Variants in KCNA10 observed in about 807,000 individuals in gnomAD.
KCNA10 encodes the protein cyclic GMP gated potassium channel.
KCNA10 carries 16 observed loss-of-function variants against 21.4 expected under a neutral mutation model. The ratio of observed to expected loss-of-function variants is 0.75; its 90% CI spans 0.51 to 1.14. KCNA10 has a LOEUF of 1.14. KCNA10 is among the 50% of genes most tolerant of loss of function. The probability of loss-of-function intolerance (pLI) is 0.00; values close to 1 mark genes in which losing one functional copy is unlikely to be tolerated. For missense variants in KCNA10, 677 were observed against 649.1 expected, an observed-to-expected ratio of 1.04 and a Z score of -0.47; for synonymous variants, 276 against 245.9, an observed-to-expected ratio of 1.12 and a Z score of -1.15.
chr1:110,518,397 A>G lies in KCNA10; in HGVS notation c.391T>C (p.Phe131Leu). Residue 131 changes from phenylalanine to leucine, a missense_variant, in exon 1 of 1, where the codon TTT (phenylalanine) becomes CTT (leucine). Transcript: ENST00000369771. ...TCAAAACTGGGCCGGTTCCGATCAA[A>G]GAAATACTCATTTCTCATGGAGTCA... is the stretch of plus-strand genomic sequence containing the variant. The part of the protein sequence containing the change: ...FFDSMRNEYF[F>L]DRNRPSFDGI... 1.2e-6 allele frequency: 2 copies of G among 1,614,226 alleles called. No homozygotes were observed. The highest frequency in any genetic ancestry group is 1.7e-6 in the Non-Finnish European group (2 of 1,180,036).
In KCNA10 at chr1:110,517,285, A is replaced by C. The variant is rs756095164; in HGVS notation, c.1503T>G (p.Asn501Lys). The change falls in exon 1 of 1, where the codon AAT (asparagine) becomes AAG (lysine). Residue 501 changes from asparagine (N) to lysine (K), a missense_variant. Asn to Lys is a moderately conservative substitution (Grantham distance 94). Coordinates refer to ENST00000369771, the MANE Select transcript of KCNA10 (RefSeq NM_005549.2). The part of the protein sequence containing the change: ...MGSTDSLNKT[N>K]GGCSTEKSRK ...TAGACTTCTCTGTGGAACAGCCACC[A>C]TTGGTCTTATTAAGAGAGTCTGTGC... 1.1e-5 allele frequency: 18 copies of C among 1,613,982 alleles called. No homozygotes were observed.
chr1:110,517,417 G>A lies in KCNA10; in HGVS notation c.1371C>T (p.Val457=), dbSNP rs780484961. The A allele has an allele frequency of 1.9e-6, 3 of 1,614,208 alleles. No homozygotes were observed. Among genetic ancestry groups the A allele is most frequent in the Non-Finnish European group, 2.5e-6 (3 of 1,180,042 alleles). Residue 457 remains valine, a synonymous_variant, in exon 1 of 1, where the codon GTC becomes GTT. Coordinates refer to ENST00000369771, the MANE Select transcript of KCNA10 (RefSeq NM_005549.2). ...GGTGGTAGAAGTAATTGAAGTTGGAGACAATGACAGGCACAGGGAGGGCAA... is the reference window on the plus strand; with the variant it reads ...GGTGGTAGAAGTAATTGAAGTTGGAAACAATGACAGGCACAGGGAGGGCAA... The part of the protein sequence containing the change: ...LTIALPVPVI[V]SNFNYFYHRE...
chr1:110,518,917 G>A lies in KCNA10; in HGVS notation c.-130C>T. On this transcript the variant is annotated 5_prime_UTR_variant, in exon 1 of 1. Coordinates refer to ENST00000369771, the MANE Select transcript of KCNA10 (RefSeq NM_005549.2). Reference sequence around the variant, plus strand: ...ACTGGCCCTTGTTTATTGAGGTAAGGTACACCAATGGGCTAATCAATGACT... The same window carrying A: ...ACTGGCCCTTGTTTATTGAGGTAAGATACACCAATGGGCTAATCAATGACT... The A allele has an allele frequency of 2.8e-6, 2 of 711,990 alleles. No individual in the cohort carries two copies. Among genetic ancestry groups the A allele is most frequent in the Non-Finnish European group, 2.3e-6 (1 of 438,398 alleles). 44.1% of individuals were successfully genotyped at this position (711,990 alleles called of 1,614,324 possible).
Position 110,517,897 on chromosome 1 carries a change from A to G in KCNA10, c.891T>C (p.Thr297=). Residue 297 remains threonine (T), a synonymous_variant, in exon 1 of 1, where the codon ACT becomes ACC. Coordinates refer to ENST00000369771, the MANE Select transcript of KCNA10 (RefSeq NM_005549.2). The part of the protein sequence containing the change: ...VLRFVVCPSK[T]DFFRNIMNII... ...TGTTCATGATGTTCCTGAAGAAGTC[A>G]GTCTTGCTGGGGCAGACCACGAACC... 1 of 1,614,082 alleles carries G rather than the reference A, an allele frequency of 6.2e-7. No individual in the cohort carries two copies. The highest frequency in any genetic ancestry group is 8.5e-7 in the Non-Finnish European group (1 of 1,180,022).
rs760343284 is a variant in KCNA10 at position 110,517,728 on chromosome 1, G to A, written c.1060C>T (p.Leu354Phe). Residue 354 changes from leucine (L) to phenylalanine (F), a missense_variant, in exon 1 of 1, where the codon CTC becomes TTC. Transcript: ENST00000369771. ...TGCAGCCCCTTGGAGTGGCGCGAGAGCTTGAAGATGCGGAAGACCCTCACC... is the reference window on the plus strand; with the variant it reads ...TGCAGCCCCTTGGAGTGGCGCGAGAACTTGAAGATGCGGAAGACCCTCACC... ...RLVRVFRIFK[L>F]SRHSKGLQIL... 10 of 1,614,078 alleles carry A rather than the reference G, an allele frequency of 6.2e-6. No individual in the cohort carries two copies. The East Asian group carries it at 2.2e-4, about 36-fold the overall frequency.
rs1490501892 is a variant in KCNA10, at chr1:110,518,534, T to C, written c.254A>G (p.Asn85Ser). ...AGCAATGTTGATGATCACCCGCTGG[T>C]TTCCTTCATTTAGGACCACTGGCTC... ...GPEPVVLNEG[N>S]QRVIINIAGL... Residue 85 changes from asparagine to serine, a missense_variant, in exon 1 of 1, where the codon AAC (asparagine) becomes AGC (serine). Asn to Ser is a conservative substitution (Grantham distance 46). Coordinates refer to ENST00000369771, the MANE Select transcript of KCNA10 (RefSeq NM_005549.2). 3.1e-6 allele frequency: 5 copies of C among 1,614,142 alleles called. No individual in the cohort carries two copies. The highest frequency in any genetic ancestry group is 4.2e-6 in the Non-Finnish European group (5 of 1,180,030).
Position 110,517,283 on chromosome 1 carries a change from C to A in KCNA10, c.1505G>T (p.Gly502Val), listed in dbSNP as rs1647234714. Residue 502 changes from glycine to valine, a missense_variant, in exon 1 of 1, where the codon GGT becomes GTT. Gly to Val is a moderately radical substitution (Grantham distance 109). Transcript: ENST00000369771. ...GSTDSLNKTN[G>V]GCSTEKSRK The stretch of plus-strand genomic sequence containing the variant: ...CCTAGACTTCTCTGTGGAACAGCCA[C>A]CATTGGTCTTATTAAGAGAGTCTGT... 1.2e-6 allele frequency: 2 copies of A among 1,613,926 alleles called. No individual in the cohort carries two copies. Among genetic ancestry groups the A allele is most frequent in the South Asian group, 1.1e-5 (1 of 91,068 alleles).
rs750444854 is a variant in KCNA10 at position 110,517,281 on chromosome 1, C to T, written c.1507G>A (p.Gly503Ser). 1.1e-5 allele frequency: 17 copies of T among 1,613,854 alleles called. No individual in the cohort carries two copies. The South Asian group carries it at 1.8e-4, about 17-fold the overall frequency. Residue 503 changes from glycine (G) to serine (S), a missense_variant, in exon 1 of 1, where the codon GGC becomes AGC. Physicochemically the swap from Gly to Ser is moderately conservative, Grantham distance 56. Transcript: ENST00000369771. ...TTCCTAGACTTCTCTGTGGAACAGC[C>T]ACCATTGGTCTTATTAAGAGAGTCT... ...STDSLNKTNGGCSTEKSRK is the reference protein window; with the variant it reads ...STDSLNKTNGSCSTEKSRK
Position 110,518,949 on chromosome 1 carries a change from T to C in KCNA10, c.-162A>G. 1 of 511,882 alleles carries C rather than the reference T, an allele frequency of 2.0e-6. No individual in the cohort carries two copies. Among genetic ancestry groups the C allele is most frequent in the Admixed American group, 3.7e-5 (1 of 26,908 alleles). 31.7% of individuals were successfully genotyped at this position (511,882 alleles called of 1,614,324 possible). A position where few individuals can be genotyped will look rare whatever the true frequency, so the allele number is the denominator to read the frequency against. ...AATGGGCTAATCAATGACTTATTTGTAGCTTGGGAAGGAACGTCATGGTTA... is the reference window on the plus strand; with the variant it reads ...AATGGGCTAATCAATGACTTATTTGCAGCTTGGGAAGGAACGTCATGGTTA... On this transcript the variant is annotated 5_prime_UTR_variant, in exon 1 of 1. Transcript: ENST00000369771.
rs1557706811 is a variant in KCNA10, at chr1:110,518,242, A to T, written c.546T>A (p.Asp182Glu). ...GSEAMDQFRE[D>E]EGFIKDPETL... is the part of the protein sequence containing the mutation. ...TTTCAGGGTCTTTGATGAAGCCTTC[A>T]TCCTCCCGGAACTGGTCCATGGCCT... Residue 182 changes from aspartate (D) to glutamate (E), a missense_variant, in exon 1 of 1, where the codon GAT becomes GAA. Coordinates refer to ENST00000369771, the MANE Select transcript of KCNA10 (RefSeq NM_005549.2). 6.2e-7 allele frequency: 1 copy of T among 1,614,142 alleles called. No homozygotes were observed. Among genetic ancestry groups the T allele is most frequent in the South Asian group, 1.1e-5 (1 of 91,076 alleles).
chr1:110,518,952 C>G lies in KCNA10; in HGVS notation c.-165G>C. ...GGGCTAATCAATGACTTATTTGTAG[C>G]TTGGGAAGGAACGTCATGGTTATTT... On this transcript the variant is annotated 5_prime_UTR_variant, in exon 1 of 1. Coordinates refer to ENST00000369771, the MANE Select transcript of KCNA10 (RefSeq NM_005549.2). 1 of 499,374 alleles carries G rather than the reference C, an allele frequency of 2.0e-6. No individual in the cohort carries two copies. Among genetic ancestry groups the G allele is most frequent in the Non-Finnish European group, 3.5e-6 (1 of 286,540 alleles). The allele number at this position is 499,374 out of a possible 1,614,324, so 30.9% of individuals were successfully genotyped here. A position where few individuals can be genotyped will look rare whatever the true frequency, so the allele number is the denominator to read the frequency against.
chr1:110,518,393 T>C lies in KCNA10; in HGVS notation c.395A>G (p.Asp132Gly). ...TCCATCAAAACTGGGCCGGTTCCGA[T>C]CAAAGAAATACTCATTTCTCATGGA... ...FDSMRNEYFF[D>G]RNRPSFDGIL... is the part of the protein sequence containing the mutation. Residue 132 changes from aspartate to glycine, a missense_variant, in exon 1 of 1, where the codon GAT becomes GGT. Asp to Gly is a moderately conservative substitution (Grantham distance 94, BLOSUM62 -1). Coordinates refer to ENST00000369771, the MANE Select transcript of KCNA10 (RefSeq NM_005549.2). 1 of 1,614,196 alleles carries C rather than the reference T, an allele frequency of 6.2e-7. No individual in the cohort carries two copies.
rs375091439 is a variant in KCNA10, at chr1:110,517,401, A to T, written c.1387T>A (p.Phe463Ile). 4.3e-6 allele frequency: 7 copies of T among 1,614,022 alleles called. No individual in the cohort carries two copies. In the African/African-American group the frequency reaches 9.3e-5, roughly 22 times the overall value. Reference protein sequence around the residue: ...VPVIVSNFNYFYHRETENEEK... With the variant: ...VPVIVSNFNYIYHRETENEEK... ...TCATTCTCAGTCTCCCGGTGGTAGAAGTAATTGAAGTTGGAGACAATGACA... is the reference window on the plus strand; with the variant it reads ...TCATTCTCAGTCTCCCGGTGGTAGATGTAATTGAAGTTGGAGACAATGACA... The change falls in exon 1 of 1, where the codon TTC becomes ATC. Residue 463 changes from phenylalanine to isoleucine, a missense_variant. By Grantham distance (21) the Phe-to-Ile change is conservative (BLOSUM62 0). Coordinates refer to ENST00000369771, the MANE Select transcript of KCNA10 (RefSeq NM_005549.2).
rs529447404 is a variant in KCNA10, at chr1:110,518,201, T to C, written c.587A>G (p.Asn196Ser). 14 of 1,613,462 alleles carry C rather than the reference T, an allele frequency of 8.7e-6. 1 individual carries two copies. In the South Asian group the frequency reaches 1.4e-4, roughly 16 times the overall value. Residue 196 changes from asparagine (N) to serine (S), a missense_variant, in exon 1 of 1, where the codon AAT (asparagine) becomes AGT (serine). Asn to Ser is a conservative substitution (Grantham distance 46, BLOSUM62 1). Coordinates refer to ENST00000369771, the MANE Select transcript of KCNA10 (RefSeq NM_005549.2). ...GAGCCAGAACTGACGGTGGATGTCA[T>C]TGGTGGGTAGCAGTGTTTCAGGGTC... The part of the protein sequence containing the change: ...IKDPETLLPT[N>S]DIHRQFWLLF...
Position 110,517,596 on chromosome 1 carries a change from C to T in KCNA10, c.1192G>A (p.Val398Met), listed in dbSNP as rs1409579990. Residue 398 changes from valine (V) to methionine (M), a missense_variant, in exon 1 of 1, where the codon GTG becomes ATG. By Grantham distance (21) the Val-to-Met change is conservative. Coordinates refer to ENST00000369771, the MANE Select transcript of KCNA10 (RefSeq NM_005549.2). ...LFSSAVYFAE[V>M]DEPESHFSSI... is the part of the protein sequence containing the mutation. ...GAGAAATGGGACTCTGGCTCATCCA[C>T]CTCAGCAAAGTAGACTGCACTGGAG... 1.2e-6 allele frequency: 2 copies of T among 1,614,080 alleles called. No homozygotes were observed. Among genetic ancestry groups the T allele is most frequent in the East Asian group, 2.2e-5 (1 of 44,894 alleles).
Position 110,517,431 on chromosome 1 carries a change from C to G in KCNA10, c.1357G>C (p.Val453Leu). ...TTGAAGTTGGAGACAATGACAGGCA[C>G]AGGGAGGGCAATGGTGAGGACCCCT... ...IAGVLTIALP[V>L]PVIVSNFNYF... is the part of the protein sequence containing the mutation. The change falls in exon 1 of 1, where the codon GTG becomes CTG. Residue 453 changes from valine (V) to leucine (L), a missense_variant. Coordinates refer to ENST00000369771, the MANE Select transcript of KCNA10 (RefSeq NM_005549.2). The G allele has an allele frequency of 6.2e-7, 1 of 1,614,180 alleles. No individual in the cohort carries two copies. The highest frequency in any genetic ancestry group is 8.5e-7 in the Non-Finnish European group (1 of 1,180,024).
At position 110,518,669 on chromosome 1, in the gene KCNA10, C is replaced by T. The variant is rs139383016; in HGVS notation, c.119G>A (p.Arg40Gln). Residue 40 changes from arginine to glutamine, a missense_variant, in exon 1 of 1, where the codon CGG becomes CAG. Coordinates refer to ENST00000369771, the MANE Select transcript of KCNA10 (RefSeq NM_005549.2). ...GTTGGAGAAGGAGCTGCCCCCAGGC[C>T]GGCCTTTTGGGCTGGTTGAGTCGAA... Reference protein sequence around the residue: ...TDFDSTSPKGRPGGSSFSNGK... With the variant: ...TDFDSTSPKGQPGGSSFSNGK... 46 of 1,614,166 alleles carry T rather than the reference C, an allele frequency of 2.8e-5. No individual in the cohort carries two copies. The African/African-American group carries it at 2.9e-4, about 10-fold the overall frequency.
In KCNA10 at chr1:110,517,523, A is replaced by G; in HGVS notation, c.1265T>C (p.Val422Ala). 6.2e-7 allele frequency: 1 copy of G among 1,614,186 alleles called. No individual in the cohort carries two copies. The highest frequency in any genetic ancestry group is 2.2e-5 in the East Asian group (1 of 44,872). The change falls in exon 1 of 1, where the codon GTA becomes GCA. Residue 422 changes from valine (V) to alanine (A), a missense_variant. Physicochemically the swap from Val to Ala is moderately conservative, Grantham distance 64. Coordinates refer to ENST00000369771, the MANE Select transcript of KCNA10 (RefSeq NM_005549.2). Reference sequence around the variant, plus strand: ...GGTCGGGCACATGTCCCCATAGCCTACAGTTGTCATGGTGACCACTGCCCA... The same window carrying G: ...GGTCGGGCACATGTCCCCATAGCCTGCAGTTGTCATGGTGACCACTGCCCA... ...FWWAVVTMTT[V>A]GYGDMCPTTP...
chr1:110,517,269 CTG>C lies in KCNA10; in HGVS notation c.1517_1518del (p.Thr506ArgfsTer4). On this transcript the variant is annotated frameshift_variant, in exon 1 of 1. Coordinates refer to ENST00000369771, the MANE Select transcript of KCNA10 (RefSeq NM_005549.2). LOFTEE classifies it high-confidence loss of function. ...SLNKTNGGCS[T>X]EKSRK ...TGGACTGATCATTTCCTAGACTTCT[CTG>C]TGGAACAGCCACCATTGGTCTTATT... 6.2e-7 allele frequency: 1 copy of C among 1,613,444 alleles called. No homozygotes were observed. Among genetic ancestry groups the C allele is most frequent in the Non-Finnish European group, 8.5e-7 (1 of 1,179,448 alleles).
Sources: gnomAD v4.1 joint callset for allele counts on GRCh38, gnomAD v4.1.1 for gene constraint, MANE v1.5 for transcripts, NCBI Gene and HGNC (gene_info 2026-07-23, HGNC 2026-07-21) for gene names.